The following GATAD2B variants were observed in gnomAD, a reference collection of about 807,000 sequenced individuals.
GATAD2B encodes transcriptional repressor p66-beta.
In GATAD2B, 8 loss-of-function variants were observed where a neutral mutation model predicts 64.3. The ratio of observed to expected loss-of-function variants is 0.12; its 90% CI spans 0.07 to 0.22. The LOEUF (loss-of-function observed/expected upper bound fraction) is 0.22. GATAD2B is among the 10% of genes least tolerant of loss of function. The pLI is 1.00. For synonymous variants in GATAD2B, 281 were observed against 271.3 expected (o/e 1.04, Z -0.35); for missense variants, 453 against 752.0 (o/e 0.60, Z 4.65).
intron 1 of GATAD2B, chr1:153,889,714 CATTAAA>C: frequency 1.5e-6 from 1 of 657,362 alleles, no homozygotes; most frequent in African/African-American, 2.0e-5. Flanking sequence ...GTATTTTCAA[CATTAAA>C]ATTAACTGTA....
intron 1 of GATAD2B, among the ~76,000 whole-genome samples, chr1:153,882,669 T>C (rs1443388999): frequency 6.6e-6 from 1 of 152,224 alleles, no homozygotes; most frequent in Non-Finnish European, 1.5e-5. Flanking sequence ...CACTTTCCTG[T>C]GTCATAGCTA....
At chr1:153,904,996 C>A (rs1040062395) in intron 1 of GATAD2B, among the ~76,000 whole-genome samples, 2 of 150,958 alleles carry the variant, frequency 1.3e-5, no homozygotes, top group African/African-American at 4.9e-5. Context: ...CATGAGCCAC[C>A]GCCCTGGCCC....
At chr1:153,840,495 G>A (rs935827140) in intron 1 of GATAD2B, among the ~76,000 whole-genome samples, 7 of 151,514 alleles carry the variant, frequency 4.6e-5, no homozygotes, top group Non-Finnish European at 5.9e-5. Flanking sequence ...GCGCCACCAC[G>A]CCTAGCTAAT....
chr1:153,856,532 T>C (rs1676086054), intron 1 of GATAD2B, among the ~76,000 whole-genome samples: 1 of 152,180 alleles, frequency 6.6e-6, no homozygotes, highest in Non-Finnish European at 1.5e-5. Context: ...ATATTTTCAA[T>C]TTAAAATTTA....
chr1:153,847,595 C>CT (rs1207764018), intron 1 of GATAD2B, among the ~76,000 whole-genome samples: 2 of 152,012 alleles, frequency 1.3e-5, no homozygotes, highest in African/African-American at 4.8e-5. Flanking sequence ...TTCATAAGAT[C>CT]TTTGTCTTTA....
intron 1 of GATAD2B, among the ~76,000 whole-genome samples, chr1:153,905,776 A>C (rs1330830260): frequency 6.7e-6 from 1 of 150,282 alleles, no homozygotes; most frequent in African/African-American, 2.4e-5. Flanking sequence ...CTCAAACAAA[A>C]AAAAAAAAAG....
chr1:153,870,592 A>G lies in GATAD2B; in HGVS notation c.-1-42244T>C, dbSNP rs561671379. ...CGTCTCAAAAAAAAGGAAAAAATCC[A>G]AAGTACTTCAAAATGTGAAAAAAAT... On this transcript the variant is annotated intron_variant, in intron 1 of 10. Coordinates refer to ENST00000368655, the MANE Select transcript of GATAD2B (RefSeq NM_020699.4). Among the ~76,000 whole-genome samples, 216 of 152,286 alleles carry G rather than the reference A, an allele frequency of 1.4e-3. 1 individual carries two copies. The highest frequency in any genetic ancestry group is 5.0e-3 in the African/African-American group (207 of 41,564).
chr1:153,821,997 G>A (rs1275051510), intron 2 of GATAD2B, among the ~76,000 whole-genome samples: 5 of 151,688 alleles, frequency 3.3e-5, no homozygotes, highest in Non-Finnish European at 7.4e-5. Context: ...CCTGGCCAAC[G>A]TGGAGAAACC....
At chr1:153,863,824 C>T (rs1676391115) in intron 1 of GATAD2B, among the ~76,000 whole-genome samples, 1 of 152,002 alleles carries the variant, frequency 6.6e-6, no homozygotes, top group South Asian at 2.1e-4. Flanking sequence ...CAAGGTTTCA[C>T]CATGTTGGCC....
chr1:153,867,386 T>C (rs1346417860), intron 1 of GATAD2B, among the ~76,000 whole-genome samples: 3 of 152,236 alleles, frequency 2.0e-5, no homozygotes, highest in East Asian at 1.9e-4. Flanking sequence ...TGAATGATTA[T>C]GGAAGACACC....
At chr1:153,892,607 C>T (rs1032737516) in intron 1 of GATAD2B, among the ~76,000 whole-genome samples, 2 of 151,706 alleles carry the variant, frequency 1.3e-5, no homozygotes, top group East Asian at 1.9e-4. Flanking sequence ...GGACATTCAT[C>T]GCTTCTGTCC....
At chr1:153,840,748 C>T (rs1389435433) in intron 1 of GATAD2B, among the ~76,000 whole-genome samples, 2 of 152,158 alleles carry the variant, frequency 1.3e-5, no homozygotes, top group Admixed American at 1.3e-4. Context: ...TATGTTTCCA[C>T]TATTTTTTCT....
At chr1:153,871,597 G>A (rs1003955423) in intron 1 of GATAD2B, among the ~76,000 whole-genome samples, 6 of 151,644 alleles carry the variant, frequency 4.0e-5, no homozygotes, top group Non-Finnish European at 7.4e-5. Context: ...TCAGCCTCCC[G>A]AGCAGCTGGG....
rs1674111639 is a variant in GATAD2B, at chr1:153,806,370, A to C, written c.*3807T>G. ...ACTCCAGGGTGGGGAGGCAAGGCAC[A>C]AATTAGGGGTGGGTGGTGGGGGAGG... On this transcript the variant is annotated 3_prime_UTR_variant, in exon 11 of 11. Coordinates refer to ENST00000368655, the MANE Select transcript of GATAD2B (RefSeq NM_020699.4). 6.6e-6 allele frequency: 1 copy of C among 151,516 alleles called. No individual in the cohort carries two copies. The highest frequency in any genetic ancestry group is 2.4e-5 in the African/African-American group (1 of 41,176). The allele number at this position is 151,516 out of a possible 1,614,324, so 9.4% of individuals were successfully genotyped here.
chr1:153,869,951 C>A (rs1349333026), intron 1 of GATAD2B, among the ~76,000 whole-genome samples: 2 of 146,198 alleles, frequency 1.4e-5, no homozygotes, highest in Admixed American at 7.2e-5. Context: ...CATGGCAAAA[C>A]CCTGTCTCTA....
At position 153,904,831 on chromosome 1, in the gene GATAD2B, C is replaced by G. The variant is rs369298132; in HGVS notation, c.-2+17902G>C. On this transcript the variant is annotated intron_variant, in intron 1 of 10. Transcript: ENST00000368655. ...AAGCAATTCTCCTGCCTCAGCCTCCCGAGCAGGTGGGATTACAGGCGCCTG... is the reference window on the plus strand; with the variant it reads ...AAGCAATTCTCCTGCCTCAGCCTCCGGAGCAGGTGGGATTACAGGCGCCTG... 1.4e-4 allele frequency among the ~76,000 whole-genome samples: 22 copies of G among 152,240 alleles called. No individual in the cohort carries two copies. The East Asian group carries it at 4.1e-3, about 28-fold the overall frequency.
intron 1 of GATAD2B, among the ~76,000 whole-genome samples, chr1:153,862,059 TGAA>T (rs1483166878): frequency 6.7e-6 from 1 of 149,874 alleles, no homozygotes; most frequent in East Asian, 1.9e-4. Flanking sequence ...TCAAGAAATG[TGAA>T]GAATATAACT....
chr1:153,865,193 C>T (rs940464110), intron 1 of GATAD2B, among the ~76,000 whole-genome samples: 15 of 152,218 alleles, frequency 9.9e-5, no homozygotes, highest in African/African-American at 3.4e-4. Context: ...GGCACAGTGG[C>T]TCACGCCTAT....
intron 1 of GATAD2B, among the ~76,000 whole-genome samples, chr1:153,855,825 G>C (rs1447166220): frequency 6.6e-6 from 1 of 152,070 alleles, no homozygotes; most frequent in East Asian, 1.9e-4. Flanking sequence ...TGGGACTACA[G>C]GTGCGCATCA....
Sources: allele counts gnomAD v4.1 joint callset (sites outside exome capture counted in the v4.1 genomes callset), GRCh38; gene constraint gnomAD v4.1.1; transcripts MANE v1.5; gene names NCBI Gene and HGNC (gene_info 2026-07-23, HGNC 2026-07-21).